Variants in SMARCA2 observed in about 807,000 individuals in gnomAD.
SMARCA2 encodes the protein SWI/SNF related BAF chromatin remodeling complex subunit ATPase 2.
SMARCA2 carries 61 observed loss-of-function variants against 199.8 expected under a neutral mutation model. That is an observed-to-expected ratio of 0.31 (90% CI 0.25 to 0.38). The LOEUF is 0.38. Among genes scored for constraint, SMARCA2 ranks in the 10% least tolerant of loss-of-function variants. The pLI, the probability that SMARCA2 is intolerant of heterozygous loss-of-function variation, is 1.00. For missense variants in SMARCA2, 1,344 were observed against 2,012.2 expected (o/e 0.67, Z 6.35); for synonymous variants, 935 against 732.0 (o/e 1.28, Z -4.48).
chr9:2,093,362 A>G (rs982345335), intron 19 of SMARCA2, among the ~76,000 whole-genome samples: 2 of 152,214 alleles, frequency 1.3e-5, no homozygotes, highest in Non-Finnish European at 2.9e-5. Flanking sequence ...GATATTTAAC[A>G]TGCAGATTGA....
chr9:2,135,717 A>AT (rs1160300740), intron 27 of SMARCA2, among the ~76,000 whole-genome samples: 1 of 151,918 alleles, frequency 6.6e-6, no homozygotes. Context: ...ACTTCTTTGT[A>AT]TTTTTAGTAG....
At chr9:2,106,908 A>G (rs929175738) in intron 23 of SMARCA2, among the ~76,000 whole-genome samples, 3 of 152,200 alleles carry the variant, frequency 2.0e-5, no homozygotes, top group Non-Finnish European at 4.4e-5. Flanking sequence ...CTTCTGGTAA[A>G]TTCTGTAATT....
chr9:2,179,405 G>T (rs1453786438), intron 29 of SMARCA2, among the ~76,000 whole-genome samples: 2 of 152,156 alleles, frequency 1.3e-5, no homozygotes, highest in Non-Finnish European at 2.9e-5. Flanking sequence ...AAGTGGGATA[G>T]GTATATTAAG....
intron 27 of SMARCA2, among the ~76,000 whole-genome samples, chr9:2,151,986 G>T (rs1199392320): frequency 1.3e-5 from 2 of 151,692 alleles, no homozygotes; most frequent in Non-Finnish European, 2.9e-5. Flanking sequence ...CTAGTATTCA[G>T]GCCAAAGAAG....
chr9:2,054,909 TA>T lies in SMARCA2; in HGVS notation c.1173+187del, dbSNP rs545333793. Among the ~76,000 whole-genome samples, 23 of 152,366 alleles carry T rather than the reference TA, an allele frequency of 1.5e-4. No homozygotes were observed. In the South Asian group the frequency reaches 3.7e-3, roughly 25 times the overall value. On this transcript the variant is annotated intron_variant, in intron 6 of 33. Coordinates refer to ENST00000349721, the MANE Select transcript of SMARCA2 (RefSeq NM_003070.5). The stretch of plus-strand genomic sequence containing the variant: ...AAAATGATGAAGATGAACTGCTTAT[TA>T]TTCTGGTTTTCTCTTCTGTATATGG...
intron 29 of SMARCA2, among the ~76,000 whole-genome samples, chr9:2,173,974 A>G (rs1479522183): frequency 6.6e-6 from 1 of 152,164 alleles, no homozygotes; most frequent in Admixed American, 6.5e-5. Flanking sequence ...ACAAATATTG[A>G]TACTTTAAAT....
intron 29 of SMARCA2, among the ~76,000 whole-genome samples, chr9:2,174,489 A>T (rs1361577403): frequency 6.6e-6 from 1 of 152,138 alleles, no homozygotes; most frequent in Non-Finnish European, 1.5e-5. Context: ...GCCTGCCACG[A>T]CCCACCCATT....
chr9:2,060,798 CTCT>C lies in SMARCA2; in HGVS notation c.1522-13_1522-11del. On this transcript the variant is annotated splice_polypyrimidine_tract_variant and intron_variant, in intron 8 of 33. Coordinates refer to ENST00000349721, the MANE Select transcript of SMARCA2 (RefSeq NM_003070.5). ...ACGCTTATATTATGCTCTCATCCTG[CTCT>C]TCTTTCCTTAATAGGCTGAAGATGA... 1 of 1,611,724 alleles carries C rather than the reference CTCT, an allele frequency of 6.2e-7. No individual in the cohort carries two copies. Among genetic ancestry groups the C allele is most frequent in the Non-Finnish European group, 8.5e-7 (1 of 1,178,342 alleles).
At chr9:2,171,883 A>G (rs1826264939) in intron 29 of SMARCA2, among the ~76,000 whole-genome samples, 1 of 152,228 alleles carries the variant, frequency 6.6e-6, no homozygotes, top group Non-Finnish European at 1.5e-5. Flanking sequence ...AAAGTAGATC[A>G]ATAACTTTAA....
At chr9:2,167,091 A>G (rs931038648) in intron 28 of SMARCA2, among the ~76,000 whole-genome samples, 5 of 152,172 alleles carry the variant, frequency 3.3e-5, no homozygotes, top group African/African-American at 1.2e-4. Context: ...TGAAATTGGG[A>G]CATTTGCTTA....
chr9:2,181,473 T>C lies in SMARCA2; in HGVS notation c.4254-98T>C, dbSNP rs143458490. 412 of 708,904 alleles carry C rather than the reference T, an allele frequency of 5.8e-4. 2 individuals are homozygous for C. Among genetic ancestry groups the C allele is most frequent in the East Asian group, 5.1e-3 (196 of 38,766 alleles). The allele number at this position is 708,904 out of a possible 1,614,324, so 43.9% of individuals were successfully genotyped here. A position where few individuals can be genotyped will look rare whatever the true frequency, so the allele number is the denominator to read the frequency against. Reference sequence around the variant, plus strand: ...AAGCTCCATATCTATATGCGTGGAATATAATTTACTTTGTTGACATGTTCT... The same window carrying C: ...AAGCTCCATATCTATATGCGTGGAACATAATTTACTTTGTTGACATGTTCT... On this transcript the variant is annotated intron_variant, in intron 29 of 33. Coordinates refer to ENST00000349721, the MANE Select transcript of SMARCA2 (RefSeq NM_003070.5).
At position 2,104,193 on chromosome 9, in the gene SMARCA2, C is replaced by G. The variant is rs185460807; in HGVS notation, c.3292+24C>G. On this transcript the variant is annotated intron_variant, in intron 23 of 33. Transcript: ENST00000349721. The surrounding 1 kb of genome is among the most constrained non-coding windows in gnomAD (Gnocchi z 4.0). ...TGGTAAGTGCATAAGGCATTAGGCT[C>G]GGAAGCCATACTACTGAAAATGAAG... 3 of 1,595,478 alleles carry G rather than the reference C, an allele frequency of 1.9e-6. No homozygotes were observed. In the African/African-American group the frequency reaches 4.0e-5, roughly 21 times the overall value.
chr9:2,174,348 T>C (rs1412331573), intron 29 of SMARCA2, among the ~76,000 whole-genome samples: 1 of 152,200 alleles, frequency 6.6e-6, no homozygotes, highest in African/African-American at 2.4e-5. Flanking sequence ...ATCGCAGTTA[T>C]TTGGATATAT....
Position 2,086,316 on chromosome 9 carries a change from C to G in SMARCA2, c.2527-513C>G, listed in dbSNP as rs1304714655. The stretch of plus-strand genomic sequence containing the variant: ...CCGGGCCAAGCCCTAAAGGTAGTAA[C>G]CAGCCAGGCTAATAGAAAAGAAGGC... On this transcript the variant is annotated intron_variant, in intron 17 of 33. Coordinates refer to ENST00000349721, the MANE Select transcript of SMARCA2 (RefSeq NM_003070.5). This position sits in a 1 kb window ranked among gnomAD's most constrained non-coding sequence, Gnocchi z 4.3. Among the ~76,000 whole-genome samples the G allele has an allele frequency of 2.0e-5, 3 of 152,204 alleles. No homozygotes were observed. Among genetic ancestry groups the G allele is most frequent in the African/African-American group, 7.2e-5 (3 of 41,454 alleles).
At position 2,137,032 on chromosome 9, in the gene SMARCA2, T is replaced by C. The variant is rs534870270; in HGVS notation, c.3981+13095T>C. ...CTGGGTTTATCTTCCTGGCTACTGC[T>C]AGGAGACTCAAGCCTTCTTAACACC... On this transcript the variant is annotated intron_variant, in intron 27 of 33. Coordinates refer to ENST00000349721, the MANE Select transcript of SMARCA2 (RefSeq NM_003070.5). Among the ~76,000 whole-genome samples, 48 of 152,320 alleles carry C rather than the reference T, an allele frequency of 3.2e-4. No homozygotes were observed. The East Asian group carries it at 8.5e-3, about 27-fold the overall frequency.
At chr9:2,058,863 T>C (rs1586658361) in intron 8 of SMARCA2, among the ~76,000 whole-genome samples, 1 of 152,228 alleles carries the variant, frequency 6.6e-6, no homozygotes, top group South Asian at 2.1e-4. Flanking sequence ...CATTAAGTCG[T>C]GTCTTCAAAT....
At chr9:2,030,788 A>G (rs977734688) in intron 2 of SMARCA2, among the ~76,000 whole-genome samples, 5 of 152,194 alleles carry the variant, frequency 3.3e-5, no homozygotes, top group African/African-American at 1.2e-4. Flanking sequence ...GGCTTAAAAC[A>G]AAAAGATTAC....
chr9:2,154,111 A>G (rs151001570), intron 27 of SMARCA2, among the ~76,000 whole-genome samples: 71 of 152,356 alleles, frequency 4.7e-4, no homozygotes, highest in Non-Finnish European at 7.2e-4. Context: ...ACAAGATGCT[A>G]TATCTCTCTG....
intron 28 of SMARCA2, among the ~76,000 whole-genome samples, chr9:2,165,479 T>A (rs1451327335): frequency 6.6e-6 from 1 of 152,190 alleles, no homozygotes; most frequent in African/African-American, 2.4e-5. Context: ...GTAAAATCCT[T>A]CTGCAGTAAC....
Sources: allele counts gnomAD v4.1 joint callset (sites outside exome capture counted in the v4.1 genomes callset), GRCh38; gene constraint gnomAD v4.1.1; non-coding constraint Gnocchi (gnomAD v3.1); transcripts MANE v1.5; gene names NCBI Gene and HGNC (gene_info 2026-07-23, HGNC 2026-07-21).